CLCC1: variants seen among roughly 807,000 people sequenced by gnomAD.
CLCC1 encodes the protein chloride channel CLIC like 1.
Under a neutral mutation model 63.3 loss-of-function variants are expected in CLCC1, and 39 were observed. The observed-to-expected ratio is 0.62, with a 90% CI of 0.48 to 0.81. The LOEUF (loss-of-function observed/expected upper bound fraction) is 0.81. Ranked by LOEUF, CLCC1 falls within the 30% of genes least tolerant of loss-of-function variation. The probability of loss-of-function intolerance (pLI) is 0.00; values close to 1 mark genes in which losing one functional copy is unlikely to be tolerated. For missense variants in CLCC1, 549 were observed against 669.4 expected (o/e 0.82, Z 1.98); for synonymous variants, 217 against 239.8 (o/e 0.90, Z 0.88).
intron 10 of CLCC1, among the ~76,000 whole-genome samples, chr1:108,939,208 T>TAATATATAAATATATATTATATATAATA (rs1437019146): frequency 3.4e-5 from 5 of 145,818 alleles, no homozygotes; most frequent in East Asian, 3.9e-4. Flanking sequence ...TATAAATATA[T>TAATATATAAATATATATTATATATAATA]AATATATAAA....
Position 108,943,431 on chromosome 1 carries a change from GAATA to G in CLCC1, c.702+40_702+43del, listed in dbSNP as rs776137022. On this transcript the variant is annotated intron_variant, in intron 7 of 12. Coordinates refer to ENST00000369969, the MANE Select transcript of CLCC1 (RefSeq NM_001377458.1). ...ATGGATTAGAGTCTTCTTTCATTGT[GAATA>G]AATGTGTTAAAATTGTAAAACCCTC... 11 of 1,584,040 alleles carry G rather than the reference GAATA, an allele frequency of 6.9e-6. No homozygotes were observed. In the Middle Eastern group the frequency reaches 5.0e-4, roughly 73 times the overall value.
chr1:108,946,020 C>G (rs1042304253), intron 5 of CLCC1, among the ~76,000 whole-genome samples: 1 of 151,526 alleles, frequency 6.6e-6, no homozygotes. Context: ...AAAATATTAG[C>G]CAGACGTGGC....
At chr1:108,939,279 G>T (rs893626601) in intron 10 of CLCC1, among the ~76,000 whole-genome samples, 4 of 143,496 alleles carry the variant, frequency 2.8e-5, no homozygotes, top group African/African-American at 1.0e-4. Context: ...AATATATATA[G>T]ATAGATATAT....
intron 7 of CLCC1, among the ~76,000 whole-genome samples, chr1:108,942,623 C>T (rs1653990469): frequency 6.6e-6 from 1 of 152,142 alleles, no homozygotes; most frequent in Non-Finnish European, 1.5e-5. Flanking sequence ...TTTCTATATA[C>T]AGTATGATCC....
rs1311556223 is a variant in CLCC1, at chr1:108,930,232, T to C, written c.*2315A>G. Reference sequence around the variant, plus strand: ...AGTGTTTATAAAGTAGGAAGTTAAGTGAATCATAGATTAGAATTTAATACT... The same window carrying C: ...AGTGTTTATAAAGTAGGAAGTTAAGCGAATCATAGATTAGAATTTAATACT... On this transcript the variant is annotated 3_prime_UTR_variant, in exon 13 of 13. Coordinates refer to ENST00000369969, the MANE Select transcript of CLCC1 (RefSeq NM_001377458.1). 6.4e-6 allele frequency: 2 copies of C among 313,018 alleles called. No individual in the cohort carries two copies. The highest frequency in any genetic ancestry group is 1.2e-5 in the Non-Finnish European group (2 of 170,534). The allele number at this position is 313,018 out of a possible 1,614,324, so 19.4% of individuals were successfully genotyped here. A position where few individuals can be genotyped will look rare whatever the true frequency, so the allele number is the denominator to read the frequency against.
Position 108,939,297 on chromosome 1 carries a change from C to G in CLCC1, c.1041+339G>C, listed in dbSNP as rs338481. On this transcript the variant is annotated intron_variant, in intron 10 of 12. Coordinates refer to ENST00000369969, the MANE Select transcript of CLCC1 (RefSeq NM_001377458.1). Reference sequence around the variant, plus strand: ...ATATATAGATAGATATATAAATATACATATATGTATAATTTTTTTTTTTTT... The same window carrying G: ...ATATATAGATAGATATATAAATATAGATATATGTATAATTTTTTTTTTTTT... Among the ~76,000 whole-genome samples, 538 of 143,312 alleles carry G rather than the reference C, an allele frequency of 3.8e-3. 6 individuals carry two copies. The highest frequency in any genetic ancestry group is 0.013 in the African/African-American group (519 of 39,096). The allele number at this position is 143,312 out of a possible 152,430, so 94.0% of individuals were successfully genotyped here. A position where few individuals can be genotyped will look rare whatever the true frequency, so the allele number is the denominator to read the frequency against.
Position 108,963,436 on chromosome 1 carries a change from G to T in CLCC1, c.-248C>A. 2 of 702,380 alleles carry T rather than the reference G, an allele frequency of 2.8e-6. No homozygotes were observed. The highest frequency in any genetic ancestry group is 5.2e-6 in the Non-Finnish European group (2 of 384,846). The allele number at this position is 702,380 out of a possible 1,614,324, so 43.5% of individuals were successfully genotyped here. A position where few individuals can be genotyped will look rare whatever the true frequency, so the allele number is the denominator to read the frequency against. ...CGCAGAAGAGGTCGCACAGCTTGCCGCCGCCCAGGGTTTCAGCGTGCTTCC... is the reference window on the plus strand; with the variant it reads ...CGCAGAAGAGGTCGCACAGCTTGCCTCCGCCCAGGGTTTCAGCGTGCTTCC... On this transcript the variant is annotated 5_prime_UTR_variant, in exon 1 of 13. Transcript: ENST00000369969.
At chr1:108,944,316 T>C (rs1007963661) in intron 5 of CLCC1, among the ~76,000 whole-genome samples, 1 of 152,094 alleles carries the variant, frequency 6.6e-6, no homozygotes, top group Admixed American at 6.6e-5. Flanking sequence ...CAAAAAATTC[T>C]AACCATTAGC....
rs1287536642 is a variant in CLCC1 at position 108,950,415 on chromosome 1, C to G, written c.23G>C (p.Cys8Ser). 2.5e-6 allele frequency: 4 copies of G among 1,609,396 alleles called. No homozygotes were observed. In the African/African-American group the frequency reaches 4.0e-5, roughly 16 times the overall value. MLCSLLL[C>S]ECLLLVAGYA... ...ACCAGCTACCAGCAACAGACATTCA[C>G]AAAGGAGCAAAGAACACAGCATCCT... The change falls in exon 3 of 13, where the codon TGT becomes TCT. Residue 8 changes from cysteine to serine, a missense_variant. Transcript: ENST00000369969.
chr1:108,931,516 A>ATTCT lies in CLCC1; in HGVS notation c.*1027_*1030dup, dbSNP rs1651972062. 6.5e-7 allele frequency: 1 copy of ATTCT among 1,532,476 alleles called. No individual in the cohort carries two copies. The allele number at this position is 1,532,476 out of a possible 1,614,324, so 94.9% of individuals were successfully genotyped here. A position where few individuals can be genotyped will look rare whatever the true frequency, so the allele number is the denominator to read the frequency against. On this transcript the variant is annotated 3_prime_UTR_variant, in exon 13 of 13. Coordinates refer to ENST00000369969, the MANE Select transcript of CLCC1 (RefSeq NM_001377458.1). ...ATGGGATCTGGGGATGTGGACCCCT[A>ATTCT]TTCTTTCAAAAAGTCATTCAGGTGA... is the stretch of plus-strand genomic sequence containing the variant.
At chr1:108,948,678 C>T (rs1262591048) in intron 4 of CLCC1, among the ~76,000 whole-genome samples, 1 of 151,466 alleles carries the variant, frequency 6.6e-6, no homozygotes, top group Non-Finnish European at 1.5e-5. Flanking sequence ...TTCAAGACTC[C>T]ATTTTGCCAA....
At position 108,945,963 on chromosome 1, in the gene CLCC1, G is replaced by C. The variant is rs138728768; in HGVS notation, c.339+1648C>G. On this transcript the variant is annotated intron_variant, in intron 5 of 12. Transcript: ENST00000369969. ...AGATCACTTGAGGTCAGGAGTTTGA[G>C]ACCAGCCTGGCTAACATGGTGAAAT... Among the ~76,000 whole-genome samples, 1,194 of 152,196 alleles carry C rather than the reference G, an allele frequency of 7.8e-3. 13 individuals carry two copies. The highest frequency in any genetic ancestry group is 0.028 in the African/African-American group (1,145 of 41,502).
Position 108,950,293 on chromosome 1 carries a change from G to A in CLCC1, c.129+16C>T, listed in dbSNP as rs201078487. 78 of 1,602,864 alleles carry A rather than the reference G, an allele frequency of 4.9e-5. No homozygotes were observed. Among genetic ancestry groups the A allele is most frequent in the East Asian group, 2.9e-4 (13 of 44,284 alleles). ...CTGATAAGGTCTCACACACATGCAC[G>A]AATTTTTTTTAATACCTGAGATTTT... On this transcript the variant is annotated intron_variant, in intron 3 of 12. Coordinates refer to ENST00000369969, the MANE Select transcript of CLCC1 (RefSeq NM_001377458.1).
Position 108,931,679 on chromosome 1 carries a change from T to A in CLCC1, c.*868A>T. On this transcript the variant is annotated 3_prime_UTR_variant, in exon 13 of 13. Coordinates refer to ENST00000369969, the MANE Select transcript of CLCC1 (RefSeq NM_001377458.1). ...ACAACCTGGATTACATTATGTTTCA[T>A]GTATACTATAAGGTATGATGTCCTG... The A allele has an allele frequency of 1.3e-6, 1 of 749,318 alleles. No individual in the cohort carries two copies. The highest frequency in any genetic ancestry group is 2.0e-6 in the Non-Finnish European group (1 of 506,826). The allele number at this position is 749,318 out of a possible 1,614,324, so 46.4% of individuals were successfully genotyped here.
At chr1:108,956,540 A>G (rs1295069425) in intron 2 of CLCC1, among the ~76,000 whole-genome samples, 1 of 150,784 alleles carries the variant, frequency 6.6e-6, no homozygotes, top group Non-Finnish European at 1.5e-5. Context: ...ACGCGCCTGT[A>G]GTCCCAGCTA....
intron 10 of CLCC1, 92 bp from the exon 11 acceptor site, chr1:108,937,510 G>A (rs1460096005): frequency 9.2e-7 from 1 of 1,081,210 alleles, no homozygotes; most frequent in East Asian, 2.5e-5. Flanking sequence ...ACAAAGTTAT[G>A]TAATTTAACT....
Position 108,930,010 on chromosome 1 carries a change from G to A in CLCC1, c.*2537C>T. ...CAATCTATTACTTTTTTCCTTAAAA[G>A]GAGAATTTATAGCACTGTAATACAG... On this transcript the variant is annotated 3_prime_UTR_variant, in exon 13 of 13. Transcript: ENST00000369969. 1 of 1,422,772 alleles carries A rather than the reference G, an allele frequency of 7.0e-7. No homozygotes were observed. 88.1% of individuals were successfully genotyped at this position (1,422,772 alleles called of 1,614,324 possible). A position where few individuals can be genotyped will look rare whatever the true frequency, so the allele number is the denominator to read the frequency against.
intron 11 of CLCC1, 96 bp from the exon 12 acceptor site, chr1:108,935,038 C>T (rs1652677840): frequency 1.6e-6 from 2 of 1,218,574 alleles, no homozygotes; most frequent in Non-Finnish European, 2.3e-6. Context: ...TCCGTTGTAG[C>T]AAGCTCCAAA....
intron 2 of CLCC1, among the ~76,000 whole-genome samples, chr1:108,953,937 G>C (rs1655520843): frequency 2.7e-5 from 4 of 148,172 alleles, no homozygotes; most frequent in Admixed American, 2.7e-4. Context: ...TCGAACCTGG[G>C]AGGCAGAAGT....
Sources: allele counts gnomAD v4.1 joint callset (sites outside exome capture counted in the v4.1 genomes callset), GRCh38; gene constraint gnomAD v4.1.1; transcripts MANE v1.5; gene names NCBI Gene and HGNC (gene_info 2026-07-23, HGNC 2026-07-21).